The following PARP4 variants were observed in gnomAD, a reference collection of about 807,000 sequenced individuals.
The protein encoded by PARP4 is poly(ADP-ribose) polymerase family member 4.
In PARP4, 120 loss-of-function variants were observed where a neutral mutation model predicts 187.7. The ratio of observed to expected loss-of-function variants is 0.64; its 90% CI spans 0.55 to 0.74. The LOEUF is 0.74. Ranked by LOEUF, PARP4 falls within the 30% of genes least tolerant of loss-of-function variation. The pLI is 0.00. For synonymous variants in PARP4, 654 were observed against 740.9 expected (o/e 0.88, Z 1.90); for missense variants, 1,836 against 2,070.5 (o/e 0.89, Z 2.20).
At chr13:24,429,339 C>T (rs1448619704) in intron 32 of PARP4, among the ~76,000 whole-genome samples, 1 of 152,146 alleles carries the variant, frequency 6.6e-6, no homozygotes, top group Non-Finnish European at 1.5e-5. Context: ...AGCCCATTTT[C>T]CCCTTGATCA....
chr13:24,456,273 G>A, intron 21 of PARP4, 68 bp downstream of exon 21: 1 of 1,318,690 alleles, frequency 7.6e-7, no homozygotes. Flanking sequence ...TAATTTGCAA[G>A]TTTAACCAGC....
chr13:24,461,110 C>T (rs899010602), intron 17 of PARP4, among the ~76,000 whole-genome samples: 12 of 152,122 alleles, frequency 7.9e-5, no homozygotes, highest in Admixed American at 1.3e-4. Context: ...ATGCAGAGAT[C>T]CTCTCAACAT....
chr13:24,426,709 G>C (rs1277800222), intron 32 of PARP4, 111 bp from the exon 33 acceptor site: 2 of 941,360 alleles, frequency 2.1e-6, no homozygotes, highest in South Asian at 1.7e-5. Flanking sequence ...CTAACACAAT[G>C]AAACTCCATC....
chr13:24,430,846 G>A (rs1870299256), intron 32 of PARP4, among the ~76,000 whole-genome samples: 3 of 152,258 alleles, frequency 2.0e-5, no homozygotes, highest in Admixed American at 2.0e-4. Context: ...TCTCCTCCTG[G>A]ACACGCAGCT....
Position 24,495,571 on chromosome 13 carries a change from C to T in PARP4, c.592-849G>A, listed in dbSNP as rs542314491. Among the ~76,000 whole-genome samples, 5 of 152,302 alleles carry T rather than the reference C, an allele frequency of 3.3e-5. No homozygotes were observed. The East Asian group carries it at 9.7e-4, about 29-fold the overall frequency. ...CGGCACTTTCTGCTCTTCTGGGCAA[C>T]TCCTGCCTCTGTAGTAGGCAGTGAT... On this transcript the variant is annotated intron_variant, in intron 6 of 33. Transcript: ENST00000381989.
intron 15 of PARP4, among the ~76,000 whole-genome samples, chr13:24,470,837 C>T (rs1872699995): frequency 6.6e-6 from 1 of 151,614 alleles, no homozygotes; most frequent in African/African-American, 2.4e-5. Flanking sequence ...GTGTAGGGTG[C>T]CAGGCAAAAT....
At chr13:24,482,400 C>G (rs1271096271) in intron 12 of PARP4, among the ~76,000 whole-genome samples, 2 of 152,190 alleles carry the variant, frequency 1.3e-5, no homozygotes, top group Non-Finnish European at 1.5e-5. Flanking sequence ...TAAATGCTAT[C>G]AAATAGCATC....
Position 24,492,517 on chromosome 13 carries a change from CT to C in PARP4, c.956del (p.Lys319ArgfsTer2), listed in dbSNP as rs1273298956. 2.5e-6 allele frequency: 4 copies of C among 1,614,018 alleles called. No homozygotes were observed. On this transcript the variant is annotated frameshift_variant, in exon 9 of 34. Transcript: ENST00000381989. LOFTEE classifies it high-confidence loss of function. ...TCAGTCTGTAAAACTCTGTCATCAT[CT>C]TTTGCAATTGCTCTGCTGTTTCTCC... is the stretch of plus-strand genomic sequence containing the variant. ...KNGETAEQLQKMMTEFYRLIP... is the reference protein window; with the variant it reads ...KNGETAEQLQXMMTEFYRLIP...
intron 3 of PARP4, 51 bp downstream of exon 3, chr13:24,501,582 C>T (rs9578753): frequency 0.11 from 131,386 of 1,249,076 alleles, 7,559 homozygotes; most frequent in Middle Eastern, 0.12. Context: ...CAAACCCAAG[C>T]GTGTACTATG....
At chr13:24,438,214 C>T (rs1389938422) in intron 30 of PARP4, among the ~76,000 whole-genome samples, 1 of 152,206 alleles carries the variant, frequency 6.6e-6, no homozygotes, top group East Asian at 1.9e-4. Flanking sequence ...TCATGGAAGG[C>T]AATTTTTCCA....
chr13:24,506,429 C>A (rs529399320), intron 1 of PARP4, among the ~76,000 whole-genome samples: 6 of 152,102 alleles, frequency 3.9e-5, no homozygotes, highest in Admixed American at 3.9e-4. Context: ...CTAGCTCGGG[C>A]AGCCTGCTTT....
chr13:24,483,695 C>T (rs1873399219), intron 12 of PARP4, among the ~76,000 whole-genome samples: 1 of 151,990 alleles, frequency 6.6e-6, no homozygotes, highest in South Asian at 2.1e-4. Context: ...GGCACCATCT[C>T]AGCTCACTGC....
intron 30 of PARP4, among the ~76,000 whole-genome samples, chr13:24,440,744 G>GT (rs1870885035): frequency 3.6e-5 from 2 of 55,734 alleles, no homozygotes; most frequent in Non-Finnish European, 3.7e-5. Context: ...CTTAACCACT[G>GT]TGTTTACTGA....
intron 24 of PARP4, among the ~76,000 whole-genome samples, chr13:24,450,978 C>T (rs1871486331): frequency 1.3e-5 from 2 of 152,156 alleles, no homozygotes; most frequent in Admixed American, 1.3e-4. Context: ...TGGGCTGGAG[C>T]GATCCTCCTG....
intron 30 of PARP4, among the ~76,000 whole-genome samples, chr13:24,440,419 T>TAAAA (rs71070698): frequency 3.2e-5 from 4 of 126,222 alleles, no homozygotes; most frequent in African/African-American, 5.9e-5. Flanking sequence ...AAATTAAAAT[T>TAAAA]AAAAAAAAAA....
intron 30 of PARP4, 34 bp from the exon 31 acceptor site, chr13:24,435,508 A>G: frequency 6.5e-7 from 1 of 1,528,102 alleles, no homozygotes; most frequent in Non-Finnish European, 8.7e-7. Flanking sequence ...ACGTAAGGGG[A>G]AAACACAGAA....
intron 15 of PARP4, 126 bp from the exon 16 acceptor site, chr13:24,470,151 A>G (rs1175895895): frequency 2.4e-6 from 2 of 830,486 alleles, no homozygotes; most frequent in African/African-American, 3.5e-5. Flanking sequence ...ACGTCCCTCA[A>G]ATTCCCAACC....
rs758086979 is a variant in PARP4, at chr13:24,493,627, A to C, written c.848T>G (p.Leu283Arg). The change falls in exon 8 of 34, where the codon CTC (leucine) becomes CGC (arginine). Residue 283 changes from leucine to arginine, a missense_variant. Around this residue, in one of 8 missense-constraint regions of PARP4, gnomAD observed 1,147 missense variants for 1,214.2 expected, o/e 0.94. Transcript: ENST00000381989. ...GAGGCTAATCCTGTTCACTGGCTTGAGAAGCATGTGTTCCAGGTGGCCCAG... is the reference window on the plus strand; with the variant it reads ...GAGGCTAATCCTGTTCACTGGCTTGCGAAGCATGTGTTCCAGGTGGCCCAG... Reference protein sequence around the residue: ...EALGHLEHMLLKPVNRISLND... With the variant: ...EALGHLEHMLRKPVNRISLND... The C allele has an allele frequency of 6.2e-7, 1 of 1,613,758 alleles. No homozygotes were observed. The highest frequency in any genetic ancestry group is 8.5e-7 in the Non-Finnish European group (1 of 1,179,928).
chr13:24,430,031 A>G (rs1870255053), intron 32 of PARP4, among the ~76,000 whole-genome samples: 1 of 152,190 alleles, frequency 6.6e-6, no homozygotes, highest in South Asian at 2.1e-4. Flanking sequence ...TGTTCACTCT[A>G]GCTTCTGCCT....
Sources: allele counts gnomAD v4.1 joint callset (sites outside exome capture counted in the v4.1 genomes callset), GRCh38; gene constraint gnomAD v4.1.1; regional missense constraint gnomAD v4.1.1; transcripts MANE v1.5; gene names NCBI Gene and HGNC (gene_info 2026-07-23, HGNC 2026-07-21).